Variants in KLHL5 observed in about 807,000 individuals in gnomAD.
KLHL5 encodes the protein kelch like family member 5, also known as kelch-like protein 5.
Under a neutral mutation model 77.7 loss-of-function variants are expected in KLHL5, and 48 were observed. The observed-to-expected ratio is 0.62, with a 90% CI of 0.49 to 0.79. The LOEUF is 0.79. KLHL5 is among the 30% of genes least tolerant of loss of function. The pLI is 0.00. For synonymous variants in KLHL5, 260 were observed against 297.0 expected, an observed-to-expected ratio of 0.88 and a Z score of 1.28; for missense variants, 723 against 859.7, an observed-to-expected ratio of 0.84 and a Z score of 1.99.
At chr4:39,127,688 C>T (rs1475762484), downstream of KLHL5, among the ~76,000 whole-genome samples, 3 of 151,984 alleles carry the variant, frequency 2.0e-5, no homozygotes, top group Non-Finnish European at 2.9e-5. Context: ...TGGTTTCAGA[C>T]TCCTGTGCTC....
intron 2 of KLHL5, among the ~76,000 whole-genome samples, chr4:39,076,549 A>G (rs1719061921): frequency 6.6e-6 from 1 of 152,100 alleles, no homozygotes; most frequent in South Asian, 2.1e-4. Context: ...AAATAGCCAT[A>G]TCTATCCCAA....
At position 39,081,163 on chromosome 4, in the gene KLHL5, G is replaced by C; in HGVS notation, c.627G>C (p.Glu209Asp). ...FAAMFTNDVR[E>D]ARQEEIKMEG... ...CCATGTTTACTAATGATGTCAGAGAGGCAAGACAAGAAGAAATAAAAATGG... is the reference window on the plus strand; with the variant it reads ...CCATGTTTACTAATGATGTCAGAGACGCAAGACAAGAAGAAATAAAAATGG... Residue 209 changes from glutamate (E) to aspartate (D), a missense_variant, in exon 3 of 11, where the codon GAG (glutamate) becomes GAC (aspartate). Glu to Asp is a conservative substitution (Grantham distance 45). Transcript: ENST00000504108. This position sits in a 1 kb window ranked among gnomAD's most constrained non-coding sequence, Gnocchi z 4.3. The C allele has an allele frequency of 6.2e-7, 1 of 1,612,564 alleles. No individual in the cohort carries two copies. The highest frequency in any genetic ancestry group is 8.5e-7 in the Non-Finnish European group (1 of 1,179,400).
intron 2 of KLHL5, 105 bp from the exon 3 acceptor site, chr4:39,080,998 G>A (rs2109377697): frequency 1.8e-6 from 2 of 1,108,986 alleles, no homozygotes; most frequent in East Asian, 4.9e-5. Flanking sequence ...GCATTTCCTA[G>A]TACCATGCAC....
At chr4:39,059,546 A>G (rs773869063), upstream of KLHL5, among the ~76,000 whole-genome samples, 16 of 152,286 alleles carry the variant, frequency 1.1e-4, no homozygotes, top group Admixed American at 5.9e-4. Flanking sequence ...CAGGAGTTTG[A>G]GACTAGCCTG....
chr4:39,059,602 G>C (rs547162605), upstream of KLHL5, among the ~76,000 whole-genome samples: 56 of 152,198 alleles, frequency 3.7e-4, no homozygotes, highest in African/African-American at 1.2e-3. Flanking sequence ...ACAAAAATTA[G>C]CCAGGCTTGG....
chr4:39,136,360 A>G, the KLHL5 span, among the ~76,000 whole-genome samples: 2 of 152,030 alleles, frequency 1.3e-5, no homozygotes, highest in African/African-American at 4.8e-5. Context: ...CGGTTTCACC[A>G]TGTTGGCCAG....
At chr4:39,119,110 A>G (rs549922573) in intron 10 of KLHL5, among the ~76,000 whole-genome samples, 1 of 152,312 alleles carries the variant, frequency 6.6e-6, no homozygotes, top group African/African-American at 2.4e-5. Flanking sequence ...AGTTATATAT[A>G]TGATTTAAGA....
upstream of KLHL5, among the ~76,000 whole-genome samples, chr4:39,061,501 A>G (rs1413331457): frequency 6.6e-6 from 1 of 152,218 alleles, no homozygotes; most frequent in Non-Finnish European, 1.5e-5. Context: ...ACCAAGATAT[A>G]TATATCTCTG....
intron 1 of KLHL5, among the ~76,000 whole-genome samples, chr4:39,066,237 G>T (rs1717885551): frequency 6.6e-6 from 1 of 152,152 alleles, no homozygotes; most frequent in Non-Finnish European, 1.5e-5. Context: ...TTTTATGTGA[G>T]CAATAGGATC....
intron 4 of KLHL5, among the ~76,000 whole-genome samples, chr4:39,083,587 GT>G (rs937640072): frequency 6.6e-6 from 1 of 152,016 alleles, no homozygotes; most frequent in Admixed American, 6.6e-5. Flanking sequence ...CCATTGAAAT[GT>G]TTTTTTCCCT....
At chr4:39,087,560 A>G (rs116946165) in intron 5 of KLHL5, among the ~76,000 whole-genome samples, 4 of 152,334 alleles carry the variant, frequency 2.6e-5, no homozygotes, top group East Asian at 3.9e-4. Context: ...AACATGCTCT[A>G]TGATATAAAA....
chr4:39,134,684 C>T, the KLHL5 span, among the ~76,000 whole-genome samples: 1 of 152,188 alleles, frequency 6.6e-6, no homozygotes, highest in East Asian at 1.9e-4. Context: ...TGGATACACA[C>T]ACAGAGAGGT....
chr4:39,053,905 A>G (rs1202457497), intron 1 of KLHL5, among the ~76,000 whole-genome samples: 1 of 152,218 alleles, frequency 6.6e-6, no homozygotes, highest in Admixed American at 6.5e-5. Context: ...AGCAGCAGCA[A>G]TTGGGAGGGA....
downstream of KLHL5, among the ~76,000 whole-genome samples, chr4:39,130,828 G>A (rs1000160367): frequency 2.0e-5 from 3 of 151,808 alleles, no homozygotes; most frequent in African/African-American, 7.3e-5. Flanking sequence ...ACATAATTAT[G>A]AGATTACAAA....
intron 5 of KLHL5, among the ~76,000 whole-genome samples, chr4:39,095,400 C>G (rs977278297): frequency 1.3e-5 from 2 of 152,058 alleles, no homozygotes; most frequent in African/African-American, 2.4e-5. Flanking sequence ...AATCTGACAA[C>G]ATTGATCATA....
chr4:39,060,972 T>G (rs1453253220), upstream of KLHL5, among the ~76,000 whole-genome samples: 1 of 152,214 alleles, frequency 6.6e-6, no homozygotes, highest in Non-Finnish European at 1.5e-5. Flanking sequence ...TCAAACTGAT[T>G]ATTTCCCACT....
At chr4:39,064,709 T>C (rs1020475155) in intron 1 of KLHL5, among the ~76,000 whole-genome samples, 2 of 152,130 alleles carry the variant, frequency 1.3e-5, no homozygotes, top group Admixed American at 1.3e-4. Context: ...AAAATTAAGC[T>C]ATTCTTTAGT....
exon 1 of KLHL5, chr4:39,045,096 G>T (rs1716055419): frequency 3.0e-6 from 3 of 986,420 alleles, no homozygotes; most frequent in African/African-American, 3.5e-5. Context: ...AGCCCGACGC[G>T]GTAAGTGCGA....
intron 5 of KLHL5, among the ~76,000 whole-genome samples, chr4:39,089,803 G>T (rs752681340): frequency 7.2e-5 from 11 of 152,292 alleles, no homozygotes; most frequent in Non-Finnish European, 1.3e-4. Flanking sequence ...CTGGGGCCTG[G>T]CAAATGGTGT....
Sources: allele counts gnomAD v4.1 joint callset (sites outside exome capture counted in the v4.1 genomes callset), GRCh38; gene constraint gnomAD v4.1.1; non-coding constraint Gnocchi (gnomAD v3.1); transcripts MANE v1.5; gene names NCBI Gene and HGNC (gene_info 2026-07-23, HGNC 2026-07-21).